Variants in GRAMD1B observed in about 807,000 individuals in gnomAD.
GRAMD1B encodes protein Aster-B.
Under a neutral mutation model 99.7 loss-of-function variants are expected in GRAMD1B, and 37 were observed. That is an observed-to-expected ratio of 0.37 (90% CI 0.29 to 0.49). The LOEUF is 0.49. GRAMD1B is among the 20% of genes least tolerant of loss of function. GRAMD1B has a pLI of 0.98. For synonymous variants in GRAMD1B, 427 were observed against 387.6 expected (o/e 1.10, Z -1.19); for missense variants, 888 against 1,009.2 (o/e 0.88, Z 1.63).
At chr11:123,573,515 C>T (rs994326938) in intron 2 of GRAMD1B, among the ~76,000 whole-genome samples, 9 of 152,190 alleles carry the variant, frequency 5.9e-5, no homozygotes, top group African/African-American at 2.2e-4. Context: ...CAATTGAATG[C>T]CTGCTTCCGA....
intron 1 of GRAMD1B, among the ~76,000 whole-genome samples, chr11:123,466,803 A>G (rs1446099944): frequency 1.3e-5 from 2 of 152,192 alleles, no homozygotes; most frequent in African/African-American, 4.8e-5. Context: ...TTCTGAGTAA[A>G]GGTTTAGTAA....
chr11:123,543,097 G>A (rs564936655), intron 2 of GRAMD1B, among the ~76,000 whole-genome samples: 18 of 151,524 alleles, frequency 1.2e-4, no homozygotes, highest in Non-Finnish European at 2.4e-4. Context: ...TTTTACTGCC[G>A]TTAAGAAATT....
At position 123,613,357 on chromosome 11, in the gene GRAMD1B, A is replaced by G. The variant is rs1190824129; in HGVS notation, c.2024-98A>G. Reference sequence around the variant, plus strand: ...TCCCTGAGGATCCTCAACCCACCCAACCAACTTCCCAGAATACAGAATAGG... The same window carrying G: ...TCCCTGAGGATCCTCAACCCACCCAGCCAACTTCCCAGAATACAGAATAGG... On this transcript the variant is annotated intron_variant, in intron 15 of 19. Coordinates refer to ENST00000635736, the MANE Select transcript of GRAMD1B (RefSeq NM_001387025.1). 1.3e-5 allele frequency: 12 copies of G among 926,598 alleles called. No homozygotes were observed. In the South Asian group the frequency reaches 1.6e-4, roughly 13 times the overall value. 57.4% of individuals were successfully genotyped at this position (926,598 alleles called of 1,614,324 possible).
intron 1 of GRAMD1B, among the ~76,000 whole-genome samples, chr11:123,440,976 C>A (rs1949378984): frequency 6.6e-6 from 1 of 152,208 alleles, no homozygotes; most frequent in African/African-American, 2.4e-5. Context: ...CTTGCACAAG[C>A]CCTCTTCTCT....
chr11:123,463,259 C>T (rs898543299), intron 1 of GRAMD1B, among the ~76,000 whole-genome samples: 2 of 152,230 alleles, frequency 1.3e-5, no homozygotes, highest in Admixed American at 6.5e-5. Flanking sequence ...GTGATCCACC[C>T]GCCTTGGCTT....
At chr11:123,419,679 G>T (rs879308692) in intron 1 of GRAMD1B, among the ~76,000 whole-genome samples, 1 of 150,124 alleles carries the variant, frequency 6.7e-6, no homozygotes, top group Non-Finnish European at 1.5e-5. Flanking sequence ...GGTGCAAGAA[G>T]GGAGTCGGGG....
At chr11:123,523,285 T>C (rs1352801084) in intron 2 of GRAMD1B, among the ~76,000 whole-genome samples, 1 of 152,060 alleles carries the variant, frequency 6.6e-6, no homozygotes, top group Non-Finnish European at 1.5e-5. Context: ...TGAGCTGAGA[T>C]TGCACCACGG....
At chr11:123,598,403 T>C in intron 7 of GRAMD1B, 1 of 947,084 alleles carries the variant, frequency 1.1e-6, no homozygotes, top group South Asian at 1.3e-5. Context: ...CTCCTGTCCT[T>C]GCTTGCTCGC....
At chr11:123,601,296 A>G (rs1487054915) in intron 8 of GRAMD1B, among the ~76,000 whole-genome samples, 1 of 152,162 alleles carries the variant, frequency 6.6e-6, no homozygotes, top group African/African-American at 2.4e-5. Context: ...GAAACTATGA[A>G]GAGACACAGA....
At chr11:123,423,643 T>G (rs1367853327) in intron 1 of GRAMD1B, among the ~76,000 whole-genome samples, 1 of 152,200 alleles carries the variant, frequency 6.6e-6, no homozygotes, top group Admixed American at 6.5e-5. Flanking sequence ...ATTACAAAAT[T>G]TAATGGAATT....
At chr11:123,393,135 T>A (rs1565469793) in intron 1 of GRAMD1B, among the ~76,000 whole-genome samples, 2 of 152,182 alleles carry the variant, frequency 1.3e-5, no homozygotes, top group African/African-American at 4.8e-5. Flanking sequence ...ACATTGAAGA[T>A]CATTAGTCAG....
At chr11:123,418,990 C>T (rs186007116) in intron 1 of GRAMD1B, among the ~76,000 whole-genome samples, 557 of 152,272 alleles carry the variant, frequency 3.7e-3, no homozygotes, top group Non-Finnish European at 6.9e-3. Flanking sequence ...GGAACATGCA[C>T]ATCACTAATT....
At chr11:123,396,462 G>A (rs1355813362) in intron 1 of GRAMD1B, among the ~76,000 whole-genome samples, 1 of 152,006 alleles carries the variant, frequency 6.6e-6, no homozygotes, top group Non-Finnish European at 1.5e-5. Flanking sequence ...TTTTAGTAGA[G>A]ATGGGGTTTC....
chr11:123,612,965 G>A, intron 15 of GRAMD1B, 101 bp downstream of exon 15: 1 of 688,416 alleles, frequency 1.5e-6, no homozygotes, highest in Non-Finnish European at 2.5e-6. Context: ...TAGAGGCAGA[G>A]ACTGAAAGGT....
At position 123,548,309 on chromosome 11, in the gene GRAMD1B, T is replaced by TAC. The variant is rs1945231196; in HGVS notation, c.453-29057_453-29056insCA. 2.1e-4 allele frequency among the ~76,000 whole-genome samples: 18 copies of TAC among 84,402 alleles called. No homozygotes were observed. In the South Asian group the frequency reaches 4.6e-3, roughly 21 times the overall value. 55.4% of individuals were successfully genotyped at this position (84,402 alleles called of 152,430 possible). ...GTGCCAAAATATATATATATATATA[T>TAC]ATATATATATATATATACACACACA... On this transcript the variant is annotated intron_variant, in intron 2 of 19. Transcript: ENST00000635736.
chr11:123,589,573 A>G (rs1327998366), intron 4 of GRAMD1B, among the ~76,000 whole-genome samples: 3 of 149,240 alleles, frequency 2.0e-5, no homozygotes, highest in African/African-American at 7.6e-5. Flanking sequence ...CCTCCTGAGT[A>G]GCTGGGATTA....
chr11:123,582,802 G>A (rs1254274542), intron 3 of GRAMD1B, among the ~76,000 whole-genome samples: 2 of 152,228 alleles, frequency 1.3e-5, no homozygotes, highest in Non-Finnish European at 2.9e-5. Context: ...TCTAGACACA[G>A]CAGACATTCG....
chr11:123,387,317 G>A (rs1471918467), intron 1 of GRAMD1B, among the ~76,000 whole-genome samples: 7 of 152,114 alleles, frequency 4.6e-5, no homozygotes, highest in African/African-American at 1.2e-4. Context: ...GTCACGGCTC[G>A]CAGTGGATGC....
At chr11:123,608,908 TCCTTCCCTCGGCCA>T (rs1953125934) in intron 12 of GRAMD1B, 106 bp downstream of exon 12, 5 of 828,514 alleles carry the variant, frequency 6.0e-6, no homozygotes, top group Non-Finnish European at 9.5e-6. Context: ...CCACACACCC[TCCTTCCCTCGGCCA>T]CCTCAGGGCC....
Sources: gnomAD v4.1 joint callset for allele counts (sites outside exome capture counted in the v4.1 genomes callset) on GRCh38, gnomAD v4.1.1 for gene constraint, MANE v1.5 for transcripts, NCBI Gene and HGNC (gene_info 2026-07-23, HGNC 2026-07-21) for gene names.